Variants in CTH observed in about 807,000 individuals in gnomAD.
CTH encodes the protein cystathionine gamma-lyase.
Under a neutral mutation model 50.6 loss-of-function variants are expected in CTH, and 41 were observed. The ratio of observed to expected loss-of-function variants is 0.81; its 90% confidence interval spans 0.63 to 1.05. CTH has a LOEUF of 1.05. Ranked by LOEUF, CTH falls within the 50% of genes least tolerant of loss-of-function variation. The probability of loss-of-function intolerance (pLI) is 0.00; values close to 1 mark genes in which losing one functional copy is unlikely to be tolerated. For missense variants in CTH, 470 were observed against 492.6 expected (o/e 0.95, Z 0.43); for synonymous variants, 156 against 168.9 (o/e 0.92, Z 0.59).
At chr1:70,418,395 G>A (rs367770353) in intron 3 of CTH, among the ~76,000 whole-genome samples, 62 of 152,124 alleles carry the variant, frequency 4.1e-4, no homozygotes, top group African/African-American at 1.5e-3. Context: ...GACCCCAGGC[G>A]CATGCCACCA....
At chr1:70,429,070 G>T (rs1394196789) in intron 5 of CTH, among the ~76,000 whole-genome samples, 1 of 152,140 alleles carries the variant, frequency 6.6e-6, no homozygotes, top group Non-Finnish European at 1.5e-5. Flanking sequence ...ACAGGAGTGA[G>T]CCATTCTCCA....
At chr1:70,432,302 T>C in intron 8 of CTH, 67 bp downstream of exon 8, 1 of 1,577,564 alleles carries the variant, frequency 6.3e-7, no homozygotes. Flanking sequence ...ATCGTGTTTA[T>C]GTAACATTTA....
chr1:70,413,098 T>G (rs778311819), intron 1 of CTH, among the ~76,000 whole-genome samples: 3 of 152,118 alleles, frequency 2.0e-5, no homozygotes, highest in Non-Finnish European at 4.4e-5. Context: ...TGATTATGCT[T>G]TGGAAACCAC....
At chr1:70,427,180 T>C (rs987103331) in intron 5 of CTH, among the ~76,000 whole-genome samples, 2 of 152,200 alleles carry the variant, frequency 1.3e-5, no homozygotes, top group Non-Finnish European at 2.9e-5. Flanking sequence ...CTTCCCAGTC[T>C]TTTGTCCTCT....
In CTH at chr1:70,439,409, CT is replaced by C; in HGVS notation, c.*288del. On this transcript the variant is annotated 3_prime_UTR_variant, in exon 12 of 12. Coordinates refer to ENST00000370938, the MANE Select transcript of CTH (RefSeq NM_001902.6). ...TTGTGCTACTTTGGGAGATTATGTTCTTTTTTCATGTCTAAGATTTATTTTG... is the reference window on the plus strand; with the variant it reads ...TTGTGCTACTTTGGGAGATTATGTTCTTTTTCATGTCTAAGATTTATTTTG... The C allele has an allele frequency of 2.5e-6, 1 of 399,330 alleles. No homozygotes were observed. Among genetic ancestry groups the C allele is most frequent in the East Asian group, 4.2e-5 (1 of 23,602 alleles). The allele number at this position is 399,330 out of a possible 1,614,324, so 24.7% of individuals were successfully genotyped here.
chr1:70,438,840 T>TAGTG lies in CTH; in HGVS notation c.1191+14_1191+15insAGTG, dbSNP rs112004441. 1 of 1,271,170 alleles carries TAGTG rather than the reference T, an allele frequency of 7.9e-7. No homozygotes were observed. The highest frequency in any genetic ancestry group is 2.8e-5 in the East Asian group (1 of 35,208). 78.7% of individuals were successfully genotyped at this position (1,271,170 alleles called of 1,614,324 possible). ...TTGAAGGCAGCAGTAAGTCTTATTA[T>TAGTG]TGTGTGTGTGTGTGTGTGTGTGTGT... On this transcript the variant is annotated intron_variant, in intron 11 of 11. Transcript: ENST00000370938.
chr1:70,417,916 C>T, intron 2 of CTH, 21 bp from the exon 3 acceptor site: 1 of 1,613,796 alleles, frequency 6.2e-7, no homozygotes, highest in Non-Finnish European at 8.5e-7. Flanking sequence ...TCAGCTTACT[C>T]TAACTTGATT....
Position 70,435,190 on chromosome 1 carries a change from C to A in CTH, c.1052+13C>A. 1.2e-6 allele frequency: 2 copies of A among 1,610,204 alleles called. No homozygotes were observed. The highest frequency in any genetic ancestry group is 2.2e-5 in the South Asian group (2 of 90,712). The stretch of plus-strand genomic sequence containing the variant: ...TTGCTGAGCTTCCGTAAGTATAGTT[C>A]TGTTTTTCTCAGTATTTTAAATTTG... On this transcript the variant is annotated intron_variant, in intron 10 of 11. Transcript: ENST00000370938.
chr1:70,424,458 A>G, intron 5 of CTH, 42 bp downstream of exon 5: 5 of 1,612,154 alleles, frequency 3.1e-6, no homozygotes, highest in South Asian at 1.1e-5. Context: ...AGTAGACCAC[A>G]TATATCTGTA....
rs1684491712 is a variant in CTH at position 70,432,204 on chromosome 1, T to C, written c.846T>C (p.Ser282=). The C allele has an allele frequency of 6.2e-7, 1 of 1,614,234 alleles. No homozygotes were observed. Among genetic ancestry groups the C allele is most frequent in the Admixed American group, 1.7e-5 (1 of 60,036 alleles). The change falls in exon 8 of 12, where the codon TCT becomes TCC. Residue 282 remains serine (S), a synonymous_variant. Coordinates refer to ENST00000370938, the MANE Select transcript of CTH (RefSeq NM_001902.6). ...TGGCAGTTGCCCAGTTCCTGGAATC[T>C]AATCCTTGGGTAGAAAAGGTTATTT... The part of the protein sequence containing the change: ...NGMAVAQFLE[S]NPWVEKVIYP...
At chr1:70,413,528 TG>T (rs2101725245) in intron 1 of CTH, among the ~76,000 whole-genome samples, 1 of 151,722 alleles carries the variant, frequency 6.6e-6, no homozygotes, top group East Asian at 2.0e-4. Context: ...CCTCCCAAAG[TG>T]CTGGGATTAC....
At chr1:70,411,875 C>CT in intron 1 of CTH, among the ~76,000 whole-genome samples, 2 of 152,174 alleles carry the variant, frequency 1.3e-5, no homozygotes, top group East Asian at 3.9e-4. Context: ...AAGGTCATAA[C>CT]TTTTTTGAGT....
chr1:70,439,240 C>T lies in CTH; in HGVS notation c.*113C>T. On this transcript the variant is annotated 3_prime_UTR_variant, in exon 12 of 12. Transcript: ENST00000370938. ...ATTTTCAAGCGGAAATTTTAAGGCACCTCATTATCTTTCATAACTGTAATT... is the reference window on the plus strand; with the variant it reads ...ATTTTCAAGCGGAAATTTTAAGGCATCTCATTATCTTTCATAACTGTAATT... 2.1e-6 allele frequency: 2 copies of T among 945,014 alleles called. No homozygotes were observed. Among genetic ancestry groups the T allele is most frequent in the Admixed American group, 3.6e-5 (2 of 56,188 alleles). The allele number at this position is 945,014 out of a possible 1,614,324, so 58.5% of individuals were successfully genotyped here.
At chr1:70,422,074 C>T (rs1250317582) in intron 4 of CTH, among the ~76,000 whole-genome samples, 3 of 152,144 alleles carry the variant, frequency 2.0e-5, no homozygotes, top group Non-Finnish European at 4.4e-5. Context: ...AATTTCTATG[C>T]AGGAGCACCT....
chr1:70,413,271 T>A (rs1470870651), intron 1 of CTH, among the ~76,000 whole-genome samples: 4 of 151,290 alleles, frequency 2.6e-5, no homozygotes, highest in Non-Finnish European at 4.4e-5. Context: ...TTTTTTTTTT[T>A]TTTTATTTTT....
At chr1:70,417,119 T>A (rs1283253465) in intron 2 of CTH, among the ~76,000 whole-genome samples, 1 of 148,688 alleles carries the variant, frequency 6.7e-6, no homozygotes, top group Non-Finnish European at 1.5e-5. Context: ...CTCCCTAAAC[T>A]TTTTTTTTTA....
chr1:70,436,668 TAA>T lies in CTH; in HGVS notation c.1052+1504_1052+1505del, dbSNP rs35782843. ...CAAAAGTCAGGCAGTCTCACCAAGT[TAA>T]AAAAAAAAAAAAGATGTCTAAATAA... On this transcript the variant is annotated intron_variant, in intron 10 of 11. Coordinates refer to ENST00000370938, the MANE Select transcript of CTH (RefSeq NM_001902.6). 6.0e-4 allele frequency among the ~76,000 whole-genome samples: 86 copies of T among 143,644 alleles called. 1 individual carries two copies. The highest frequency in any genetic ancestry group is 3.1e-3 in the South Asian group (14 of 4,528). The allele number at this position is 143,644 out of a possible 152,430, so 94.2% of individuals were successfully genotyped here. A position where few individuals can be genotyped will look rare whatever the true frequency, so the allele number is the denominator to read the frequency against.
rs768692362 is a variant in CTH at position 70,421,638 on chromosome 1, T to G, written c.419T>G (p.Ile140Ser). The change falls in exon 4 of 12, where the codon ATC becomes AGC. Residue 140 changes from isoleucine (I) to serine (S), a missense_variant. Transcript: ENST00000370938. Reference sequence around the variant, plus strand: ...ATTTCTTTTGTTGATTGTTCCAAAATCAAATTACTAGAGGCAGCAATTACA... The same window carrying G: ...ATTTCTTTTGTTGATTGTTCCAAAAGCAAATTACTAGAGGCAGCAATTACA... ...LKISFVDCSK[I>S]KLLEAAITPE... 6.2e-7 allele frequency: 1 copy of G among 1,613,990 alleles called. No homozygotes were observed.
At chr1:70,425,899 G>A (rs150270602) in intron 5 of CTH, among the ~76,000 whole-genome samples, 1 of 152,164 alleles carries the variant, frequency 6.6e-6, no homozygotes, top group African/African-American at 2.4e-5. Context: ...AACTCAACAT[G>A]AGATTTGGTG....
Sources: allele counts gnomAD v4.1 joint callset (sites outside exome capture counted in the v4.1 genomes callset), GRCh38; gene constraint gnomAD v4.1.1; transcripts MANE v1.5; gene names NCBI Gene and HGNC (gene_info 2026-07-23, HGNC 2026-07-21).